Variants in SMAD9 observed in about 807,000 individuals in gnomAD.
SMAD9 encodes the protein SMAD family member 9, also known as MAD homolog 9.
Under a neutral mutation model 46.1 loss-of-function variants are expected in SMAD9, and 36 were observed. That is an observed-to-expected ratio of 0.78 (90% CI 0.60 to 1.03). The LOEUF (loss-of-function observed/expected upper bound fraction) is 1.03, where lower values mean the gene tolerates loss of function less well. Ranked by LOEUF, SMAD9 falls within the 50% of genes least tolerant of loss-of-function variation. The pLI, the probability that SMAD9 is intolerant of heterozygous loss-of-function variation, is 0.00. For synonymous variants in SMAD9, 245 were observed against 237.1 expected (o/e 1.03, Z -0.31); for missense variants, 572 against 599.8 (o/e 0.95, Z 0.48).
chr13:36,874,120 A>C (rs1489917234), intron 2 of SMAD9, among the ~76,000 whole-genome samples: 1 of 151,988 alleles, frequency 6.6e-6, no homozygotes, highest in Non-Finnish European at 1.5e-5. Flanking sequence ...TGACCAACAT[A>C]AGTTCCAGAC....
chr13:36,851,694 C>T (rs956811004), intron 6 of SMAD9: 1 of 954,326 alleles, frequency 1.0e-6, no homozygotes, highest in African/African-American at 1.8e-5. Flanking sequence ...GATCCATCAG[C>T]CCAGTGGTAG....
intron 1 of SMAD9, among the ~76,000 whole-genome samples, chr13:36,911,615 TGG>T (rs11322701): frequency 0.013 from 1,126 of 83,836 alleles, 21 homozygotes; most frequent in Admixed American, 0.034. Flanking sequence ...AAAGGCTGCC[TGG>T]GGGGGGGGGG....
chr13:36,876,474 T>TA lies in SMAD9; in HGVS notation c.412+2803dup, dbSNP rs1197322725. Among the ~76,000 whole-genome samples the TA allele has an allele frequency of 1.8e-4, 28 of 152,342 alleles. No homozygotes were observed. In the South Asian group the frequency reaches 2.5e-3, roughly 14 times the overall value. ...ACGAGTCTGTGAAGAAATTAGTACTTAGAAACTTTTCACAGCAATTTGACA... is the reference window on the plus strand; with the variant it reads ...ACGAGTCTGTGAAGAAATTAGTACTTAAGAAACTTTTCACAGCAATTTGACA... On this transcript the variant is annotated intron_variant, in intron 2 of 6. Coordinates refer to ENST00000379826, the MANE Select transcript of SMAD9 (RefSeq NM_001127217.3).
intron 1 of SMAD9, among the ~76,000 whole-genome samples, chr13:36,890,869 G>C (rs896496443): frequency 1.3e-5 from 2 of 151,936 alleles, no homozygotes; most frequent in Non-Finnish European, 2.9e-5. Context: ...GCCAAAACAG[G>C]AGGAATGTGA....
At position 36,888,160 on chromosome 13, in the gene SMAD9, T is replaced by C. The variant is rs545994297; in HGVS notation, c.-186-8285A>G. On this transcript the variant is annotated intron_variant, in intron 1 of 6. Transcript: ENST00000379826. Reference sequence around the variant, plus strand: ...TGGTTACGGTTATGGTTTGGCTCTGTGCCCCCGCCCAAATCTCATCTTGAA... The same window carrying C: ...TGGTTACGGTTATGGTTTGGCTCTGCGCCCCCGCCCAAATCTCATCTTGAA... 3.9e-4 allele frequency among the ~76,000 whole-genome samples: 59 copies of C among 152,332 alleles called. 1 individual carries two copies. The South Asian group carries it at 8.5e-3, about 22-fold the overall frequency.
intron 2 of SMAD9, among the ~76,000 whole-genome samples, chr13:36,875,774 T>C (rs534566972): frequency 3.9e-5 from 6 of 152,338 alleles, no homozygotes; most frequent in Admixed American, 6.5e-5. Context: ...CTAACACTGA[T>C]AAAAATATAA....
At chr13:36,880,095 T>C (rs1448401853) in intron 1 of SMAD9, among the ~76,000 whole-genome samples, 1 of 152,162 alleles carries the variant, frequency 6.6e-6, no homozygotes, top group East Asian at 1.9e-4. Context: ...TTCAAATGTT[T>C]TAATTTTAAA....
intron 1 of SMAD9, among the ~76,000 whole-genome samples, chr13:36,883,919 AC>A (rs757003634): frequency 1.8e-4 from 28 of 151,900 alleles, no homozygotes; most frequent in Non-Finnish European, 3.5e-4. Context: ...TCTGGACTTC[AC>A]CCCCTCCTCA....
In SMAD9 at chr13:36,879,067, G is replaced by A. The variant is rs552273020; in HGVS notation, c.412+211C>T. Among the ~76,000 whole-genome samples, 27 of 151,632 alleles carry A rather than the reference G, an allele frequency of 1.8e-4. No homozygotes were observed. The South Asian group carries it at 3.1e-3, about 17-fold the overall frequency. On this transcript the variant is annotated intron_variant, in intron 2 of 6. Coordinates refer to ENST00000379826, the MANE Select transcript of SMAD9 (RefSeq NM_001127217.3). ...CTGTGGCATTCCAGGCAGGAATATC[G>A]TTTTCATGGGAACTTTCTTTGATTG...
At chr13:36,867,467 A>G in intron 3 of SMAD9, 84 bp from the exon 4 acceptor site, 1 of 878,890 alleles carries the variant, frequency 1.1e-6, no homozygotes, top group Non-Finnish European at 1.8e-6. Context: ...TTGCCATTAA[A>G]CTCCTGAGCT....
chr13:36,886,857 CA>C (rs755592279), intron 1 of SMAD9, among the ~76,000 whole-genome samples: 14 of 151,896 alleles, frequency 9.2e-5, no homozygotes, highest in Non-Finnish European at 1.8e-4. Context: ...GAGGGTGGCA[CA>C]GGGGTGGAGA....
chr13:36,852,687 A>T (rs17054593), intron 6 of SMAD9, among the ~76,000 whole-genome samples: 3,908 of 152,302 alleles, frequency 0.026, 94 homozygotes, highest in South Asian at 0.12. Context: ...TAGCTTATTC[A>T]TAAATATTAT....
At chr13:36,857,590 C>T (rs2058139017) in intron 5 of SMAD9, among the ~76,000 whole-genome samples, 1 of 152,030 alleles carries the variant, frequency 6.6e-6, no homozygotes, top group Non-Finnish European at 1.5e-5. Context: ...AATAGTGTGT[C>T]CCCTTTCAAT....
chr13:36,912,608 G>C (rs1371042509), intron 1 of SMAD9, among the ~76,000 whole-genome samples: 1 of 152,072 alleles, frequency 6.6e-6, no homozygotes, highest in Middle Eastern at 3.2e-3. Context: ...ACCAGTAAAG[G>C]GTAGCAGGGA....
chr13:36,882,659 A>G (rs2058413992), intron 1 of SMAD9, among the ~76,000 whole-genome samples: 1 of 152,200 alleles, frequency 6.6e-6, no homozygotes, highest in South Asian at 2.1e-4. Context: ...ATAAACACCC[A>G]ATTCATAACA....
intron 5 of SMAD9, among the ~76,000 whole-genome samples, chr13:36,861,714 A>G (rs908873438): frequency 6.7e-6 from 1 of 149,072 alleles, no homozygotes; most frequent in Non-Finnish European, 1.5e-5. Context: ...GGATCACCCG[A>G]GGTCAGGAGT....
chr13:36,877,159 C>G (rs777418469), intron 2 of SMAD9, among the ~76,000 whole-genome samples: 5 of 152,022 alleles, frequency 3.3e-5, no homozygotes, highest in Non-Finnish European at 5.9e-5. Context: ...GTCAAGAGAT[C>G]GAGACCATCC....
chr13:36,920,637 C>G (rs936406718), upstream of SMAD9: 1 of 152,386 alleles, frequency 6.6e-6, no homozygotes, highest in Non-Finnish European at 1.5e-5. Context: ...CACCCCACCT[C>G]TGAGATTTCT....
Position 36,853,438 on chromosome 13 carries a change from A to C in SMAD9, c.1241T>G (p.Ile414Ser). Residue 414 changes from isoleucine to serine, a missense_variant, in exon 6 of 7, where the codon ATC becomes AGC. Coordinates refer to ENST00000379826, the MANE Select transcript of SMAD9 (RefSeq NM_001127217.3). ...CCTTACCTTAACAAAACTCATCCGG[A>C]TAGTACACATCTTGGTCAGTTCATA... ...VVYELTKMCT[I>S]RMSFVKGWGA... 6 of 1,614,096 alleles carry C rather than the reference A, an allele frequency of 3.7e-6. No individual in the cohort carries two copies. The highest frequency in any genetic ancestry group is 5.1e-6 in the Non-Finnish European group (6 of 1,180,018).
Sources: allele counts gnomAD v4.1 joint callset (sites outside exome capture counted in the v4.1 genomes callset), GRCh38; gene constraint gnomAD v4.1.1; transcripts MANE v1.5; gene names NCBI Gene and HGNC (gene_info 2026-07-23, HGNC 2026-07-21).